RAPGEFL1: variants seen among roughly 807,000 people sequenced by gnomAD.
RAPGEFL1 encodes Rap guanine nucleotide exchange factor like 1.
Under a neutral mutation model 64.4 loss-of-function variants are expected in RAPGEFL1, and 31 were observed. That is an observed-to-expected ratio of 0.48 (90% CI 0.36 to 0.65). The LOEUF is 0.65. RAPGEFL1 is among the 30% of genes least tolerant of loss of function. The probability of loss-of-function intolerance (pLI) is 0.00; values close to 1 mark genes in which losing one functional copy is unlikely to be tolerated. For missense variants in RAPGEFL1, 682 were observed against 677.4 expected (o/e 1.01, Z -0.08); for synonymous variants, 331 against 274.1 (o/e 1.21, Z -2.05).
intron 8 of RAPGEFL1, 170 bp downstream of exon 8, chr17:40,190,932 A>ACC: frequency 1.9e-5 from 19 of 1,016,682 alleles, no homozygotes; most frequent in Non-Finnish European, 2.1e-5. Context: ...GCAAAGAGAG[A>ACC]GACCCCAGAG....
At chr17:40,186,892 CAAAA>C (rs565969931) in intron 4 of RAPGEFL1, among the ~76,000 whole-genome samples, 1 of 65,214 alleles carries the variant, frequency 1.5e-5, no homozygotes, top group Admixed American at 1.7e-4. Context: ...GACTCTGTCT[CAAAA>C]AAAAAAAAAA....
rs1449138717 is a variant in RAPGEFL1 at position 40,194,143 on chromosome 17, G to T, written c.*355G>T. 4.2e-6 allele frequency: 1 copy of T among 238,104 alleles called. No homozygotes were observed. Among genetic ancestry groups the T allele is most frequent in the Non-Finnish European group, 8.3e-6 (1 of 119,992 alleles). The allele number at this position is 238,104 out of a possible 1,614,324, so 14.7% of individuals were successfully genotyped here. A position where few individuals can be genotyped will look rare whatever the true frequency, so the allele number is the denominator to read the frequency against. The stretch of plus-strand genomic sequence containing the variant: ...CTCACCCTTCTGTCTTGCAGAGTGG[G>T]ATTGTGGGAGGGATTGGCAGCCTTC... On this transcript the variant is annotated 3_prime_UTR_variant, in exon 15 of 15. Transcript: ENST00000620260.
At chr17:40,186,082 T>C (rs1483173011) in intron 4 of RAPGEFL1, among the ~76,000 whole-genome samples, 1 of 148,514 alleles carries the variant, frequency 6.7e-6, no homozygotes, top group Non-Finnish European at 1.5e-5. Context: ...GAGACCAGCC[T>C]GACCAACATG....
chr17:40,188,786 C>T (rs1990161300), intron 4 of RAPGEFL1, 80 bp from the exon 5 acceptor site: 2 of 1,128,420 alleles, frequency 1.8e-6, no homozygotes, highest in African/African-American at 1.5e-5. Flanking sequence ...TTCTGATATT[C>T]TTGCTTGATG....
rs1206362093 is a variant in RAPGEFL1 at position 40,182,088 on chromosome 17, AAAAAG to A, written c.599+404_599+408del. 3.9e-5 allele frequency among the ~76,000 whole-genome samples: 6 copies of A among 152,178 alleles called. No individual in the cohort carries two copies. The East Asian group carries it at 7.7e-4, about 20-fold the overall frequency. On this transcript the variant is annotated intron_variant, in intron 2 of 14. Transcript: ENST00000620260. ...ACAGAGTGAGACTCCATCTCAAAAA[AAAAAG>A]AAAAGAAAACATACCTGGGTTTCAG...
rs148590396 is a variant in RAPGEFL1 at position 40,191,129 on chromosome 17, T to A, written c.1336-187T>A. The stretch of plus-strand genomic sequence containing the variant: ...TAAGTGCTCAGTAGCTGGTGAAATA[T>A]TATTAATGCTGGTTGTTTTCTTTTT... On this transcript the variant is annotated intron_variant, in intron 8 of 14. Transcript: ENST00000620260. The surrounding 1 kb of genome is among the most constrained non-coding windows in gnomAD (Gnocchi z 5.1). The A allele has an allele frequency of 9.3e-3, 5,849 of 626,536 alleles. 40 individuals are homozygous for A. The highest frequency in any genetic ancestry group is 0.016 in the Middle Eastern group (36 of 2,288). The allele number at this position is 626,536 out of a possible 1,614,324, so 38.8% of individuals were successfully genotyped here. A position where few individuals can be genotyped will look rare whatever the true frequency, so the allele number is the denominator to read the frequency against.
intron 2 of RAPGEFL1, among the ~76,000 whole-genome samples, chr17:40,183,372 C>A (rs1989950646): frequency 6.6e-6 from 1 of 152,060 alleles, no homozygotes; most frequent in Non-Finnish European, 1.5e-5. Context: ...GTCAAGTGGT[C>A]ATCGCTACCT....
chr17:40,184,438 AC>A (rs1444603336), intron 3 of RAPGEFL1, 89 bp downstream of exon 3: 1 of 1,300,830 alleles, frequency 7.7e-7, no homozygotes, highest in East Asian at 2.3e-5. Flanking sequence ...CATTCTGGGT[AC>A]CTGGAAGGAA....
intron 4 of RAPGEFL1, among the ~76,000 whole-genome samples, chr17:40,187,909 G>A (rs1300129707): frequency 8.9e-5 from 13 of 146,474 alleles, no homozygotes; most frequent in African/African-American, 3.0e-4. Flanking sequence ...CACCGCGCCT[G>A]GCCTTTTTTT....
chr17:40,188,686 TTA>T, intron 4 of RAPGEFL1, 178 bp from the exon 5 acceptor site: 1 of 604,824 alleles, frequency 1.7e-6, no homozygotes, highest in South Asian at 1.9e-5. Flanking sequence ...TTGATTAGGG[TTA>T]CTTGGATAAT....
Position 40,193,388 on chromosome 17 carries a change from C to A in RAPGEFL1, c.1835C>A (p.Thr612Lys). 1 of 1,614,216 alleles carries A rather than the reference C, an allele frequency of 6.2e-7. No individual in the cohort carries two copies. The highest frequency in any genetic ancestry group is 8.5e-7 in the Non-Finnish European group (1 of 1,180,036). Residue 612 changes from threonine (T) to lysine (K), a missense_variant, in exon 14 of 15, where the codon ACA becomes AAA. Physicochemically the swap from Thr to Lys is moderately conservative, Grantham distance 78. This residue lies in a region of RAPGEFL1 where 411 missense variants were observed against 519.4 expected (regional missense o/e 0.79). Transcript: ENST00000620260. ...KLHSVAEKVR[T>K]IRKYRSRPLC... Reference sequence around the variant, plus strand: ...CATTCAGTGGCCGAAAAAGTGAGGACAATCCGCAAATACCGGAGCCGGCCC... The same window carrying A: ...CATTCAGTGGCCGAAAAAGTGAGGAAAATCCGCAAATACCGGAGCCGGCCC...
Position 40,178,279 on chromosome 17 carries a change from C to T in RAPGEFL1, c.418C>T (p.Pro140Ser), listed in dbSNP as rs1424227874. Residue 140 changes from proline (P) to serine (S), a missense_variant, in exon 1 of 15, where the codon CCG becomes TCG. By Grantham distance (74) the Pro-to-Ser change is moderately conservative. Transcript: ENST00000620260. The stretch of plus-strand genomic sequence containing the variant: ...GTCCCCAGGCGAGCCCTTGACTTCG[C>T]CGCCCTGGGCCCCTCTGGGCGCCCC... ...ELSPGEPLTSPPWAPLGAPER... is the reference protein window; with the variant it reads ...ELSPGEPLTSSPWAPLGAPER... 4 of 648,696 alleles carry T rather than the reference C, an allele frequency of 6.2e-6. No individual in the cohort carries two copies. Among genetic ancestry groups the T allele is most frequent in the Non-Finnish European group, 8.4e-6 (3 of 356,878 alleles). 40.2% of individuals were successfully genotyped at this position (648,696 alleles called of 1,614,324 possible).
intron 6 of RAPGEFL1, 28 bp from the exon 7 acceptor site, chr17:40,190,406 C>T (rs1244329751): frequency 1.1e-5 from 18 of 1,606,038 alleles, no homozygotes; most frequent in Admixed American, 3.3e-5. Context: ...CGGCAGGGGC[C>T]GAGGATGAGC....
chr17:40,184,155 C>T, intron 2 of RAPGEFL1, 59 bp from the exon 3 acceptor site: 1 of 1,292,256 alleles, frequency 7.7e-7, no homozygotes, highest in Admixed American at 1.7e-5. Flanking sequence ...AGCCTCCCAT[C>T]TTTCTTCTCA....
Position 40,184,221 on chromosome 17 carries a change from C to T in RAPGEFL1, c.607C>T (p.Arg203Trp), listed in dbSNP as rs773803325. The T allele has an allele frequency of 7.0e-5, 113 of 1,609,818 alleles. No homozygotes were observed. The highest frequency in any genetic ancestry group is 6.0e-4 in the Admixed American group (36 of 59,732). Residue 203 changes from arginine to tryptophan, a missense_variant, in exon 3 of 15, where the codon CGG becomes TGG. This residue lies in a region of RAPGEFL1 where 271 missense variants were observed against 158.0 expected (regional missense o/e 1.72). Coordinates refer to ENST00000620260, the MANE Select transcript of RAPGEFL1 (RefSeq NM_016339.6). ...TCTTAACTTAAGGGTCAGCTTTGTT[C>T]GGGCAGGAGGCATGGAGGGCCCTGA... The part of the protein sequence containing the change: ...FLQELHQYFV[R>W]AGGMEGPEGL...
At chr17:40,179,894 A>G (rs1989842729) in intron 1 of RAPGEFL1, among the ~76,000 whole-genome samples, 1 of 152,076 alleles carries the variant, frequency 6.6e-6, no homozygotes, top group Non-Finnish European at 1.5e-5. Context: ...GGGAGCTGAC[A>G]CCTTTTGGAT....
chr17:40,192,357 G>T (rs1990305411), intron 11 of RAPGEFL1, 94 bp downstream of exon 11: 1 of 1,395,142 alleles, frequency 7.2e-7, no homozygotes, highest in Non-Finnish European at 1.0e-6. Context: ...TCCTTTCAAG[G>T]TGTTTAGTGT....
chr17:40,183,100 A>G (rs1471163724), intron 2 of RAPGEFL1, among the ~76,000 whole-genome samples: 2 of 152,126 alleles, frequency 1.3e-5, no homozygotes, highest in Non-Finnish European at 2.9e-5. Context: ...GTGAGCTGAG[A>G]TCATGCCATT....
Position 40,191,439 on chromosome 17 carries a change from G to A in RAPGEFL1, c.1459G>A (p.Glu487Lys). Reference sequence around the variant, plus strand: ...GGTGGCCACCGAAGTGCTGCTCTGCGAGGCCCCGGGCAAGCGCGCGCAGCT... The same window carrying A: ...GGTGGCCACCGAAGTGCTGCTCTGCAAGGCCCCGGGCAAGCGCGCGCAGCT... ...HWVATEVLLC[E>K]APGKRAQLLK... The change falls in exon 9 of 15, where the codon GAG becomes AAG. Residue 487 changes from glutamate to lysine, a missense_variant. This residue lies in a region of RAPGEFL1 where 411 missense variants were observed against 519.4 expected (regional missense o/e 0.79). Coordinates refer to ENST00000620260, the MANE Select transcript of RAPGEFL1 (RefSeq NM_016339.6). This position sits in a 1 kb window ranked among gnomAD's most constrained non-coding sequence, Gnocchi z 5.1. 6.2e-7 allele frequency: 1 copy of A among 1,607,290 alleles called. No individual in the cohort carries two copies. The highest frequency in any genetic ancestry group is 8.5e-7 in the Non-Finnish European group (1 of 1,178,748).
Sources: gnomAD v4.1 joint callset for allele counts (sites outside exome capture counted in the v4.1 genomes callset) on GRCh38, gnomAD v4.1.1 for gene constraint, gnomAD v4.1.1 regional missense constraint, Gnocchi (gnomAD v3.1) non-coding constraint, MANE v1.5 for transcripts, NCBI Gene and HGNC (gene_info 2026-07-23, HGNC 2026-07-21) for gene names.